The following CUEDC1 variants were observed in gnomAD, a reference collection of about 807,000 sequenced individuals.
CUEDC1 encodes the protein CUE domain-containing protein 1.
CUEDC1 carries 30 observed loss-of-function variants against 43.7 expected under a neutral mutation model. The ratio of observed to expected loss-of-function variants is 0.69; its 90% CI spans 0.51 to 0.93. The LOEUF (loss-of-function observed/expected upper bound fraction) is 0.93. Ranked by LOEUF, CUEDC1 falls within the 40% of genes least tolerant of loss-of-function variation. The pLI is 0.00. For synonymous variants in CUEDC1, 223 were observed against 223.6 expected (o/e 1.00, Z 0.02); for missense variants, 486 against 549.0 (o/e 0.89, Z 1.15).
chr17:57,942,982 C>T (rs1051014611), intron 1 of CUEDC1, among the ~76,000 whole-genome samples: 2 of 152,052 alleles, frequency 1.3e-5, no homozygotes, highest in Non-Finnish European at 1.5e-5. Context: ...GAGCCGAGAT[C>T]GCGCCACTGC....
rs531361795 is a variant in CUEDC1, at chr17:57,909,285, G to A, written c.-315-23406C>T. ...GCTGGGATTACAGGCATGAGCCACC[G>A]CACCTAGCCTAAAATTAAATAAAAT... On this transcript the variant is annotated intron_variant, in intron 1 of 10. Coordinates refer to ENST00000577830, the MANE Select transcript of CUEDC1 (RefSeq NM_001271875.2). Among the ~76,000 whole-genome samples the A allele has an allele frequency of 9.9e-4, 151 of 152,036 alleles. 2 individuals carry two copies. Among genetic ancestry groups the A allele is most frequent in the African/African-American group, 3.4e-3 (141 of 41,472 alleles).
chr17:57,880,387 C>T (rs1015889751), intron 2 of CUEDC1, among the ~76,000 whole-genome samples: 16 of 152,298 alleles, frequency 1.1e-4, no homozygotes, highest in African/African-American at 2.9e-4. Context: ...AAAAGCCACA[C>T]GCTTTTTAGA....
chr17:57,885,492 C>T lies in CUEDC1; in HGVS notation c.73G>A (p.Gly25Arg), dbSNP rs2074277109. 1 of 1,535,388 alleles carries T rather than the reference C, an allele frequency of 6.5e-7. No homozygotes were observed. Among genetic ancestry groups the T allele is most frequent in the Non-Finnish European group, 8.7e-7 (1 of 1,147,436 alleles). The change falls in exon 2 of 11, where the codon GGA (glycine) becomes AGA (arginine). Residue 25 changes from glycine to arginine, a missense_variant. By Grantham distance (125) the Gly-to-Arg change is moderately radical. Coordinates refer to ENST00000577830, the MANE Select transcript of CUEDC1 (RefSeq NM_001271875.2). ...GGTAGARGGG[G>R]GTAAPQELNN... Reference sequence around the variant, plus strand: ...AGCTCCTGGGGGGCGGCCGTGCCTCCCCCGCCCCCGCGTGCCCCGGCGGTG... The same window carrying T: ...AGCTCCTGGGGGGCGGCCGTGCCTCTCCCGCCCCCGCGTGCCCCGGCGGTG...
chr17:57,929,322 G>A (rs111772222), intron 1 of CUEDC1, among the ~76,000 whole-genome samples: 8 of 151,994 alleles, frequency 5.3e-5, no homozygotes, highest in Non-Finnish European at 7.4e-5. Context: ...TTAAACAGCC[G>A]CCCAAGAACA....
chr17:57,931,156 G>C (rs1287459999), intron 1 of CUEDC1, among the ~76,000 whole-genome samples: 5 of 152,066 alleles, frequency 3.3e-5, no homozygotes, highest in Non-Finnish European at 7.4e-5. Context: ...GGAGGTGGTG[G>C]CACACACCTA....
rs73329841 is a variant in CUEDC1 at position 57,876,355 on chromosome 17, C to T, written c.465-2638G>A. ...GCAAGTGCTCCTTCCTTTGCCTGAG[C>T]GCCTCCCTGTCCTCTGCTTCTCCAC... On this transcript the variant is annotated intron_variant, in intron 3 of 10. Transcript: ENST00000577830. Among the ~76,000 whole-genome samples the T allele has an allele frequency of 3.3e-3, 509 of 152,052 alleles. 10 individuals are homozygous for T. Among genetic ancestry groups the T allele is most frequent in the Admixed American group, 0.031 (478 of 15,292 alleles).
intron 1 of CUEDC1, among the ~76,000 whole-genome samples, chr17:57,945,726 A>G (rs771421682): frequency 9.2e-5 from 14 of 152,212 alleles, no homozygotes; most frequent in Non-Finnish European, 1.8e-4. Flanking sequence ...AACAATCATT[A>G]TGTAATATTT....
In CUEDC1 at chr17:57,869,135, T is replaced by C. The variant is rs761592191; in HGVS notation, c.927A>G (p.Lys309=). 21 of 1,613,958 alleles carry C rather than the reference T, an allele frequency of 1.3e-5. No homozygotes were observed. The highest frequency in any genetic ancestry group is 1.7e-4 in the Middle Eastern group (1 of 6,060). The change falls in exon 7 of 11, where the codon AAA becomes AAG. Residue 309 remains lysine, a synonymous_variant. Transcript: ENST00000577830. ...SEDALFRDKL[K]HMGKSTRRKL... Reference sequence around the variant, plus strand: ...AGTGGGACTCACACTTTCCCATGTGTTTCAGCTTGTCCCTGAATAAGGCAT... The same window carrying C: ...AGTGGGACTCACACTTTCCCATGTGCTTCAGCTTGTCCCTGAATAAGGCAT...
At chr17:57,885,105 A>G in intron 2 of CUEDC1, 124 bp downstream of exon 2, 1 of 1,441,988 alleles carries the variant, frequency 6.9e-7, no homozygotes, top group Non-Finnish European at 9.1e-7. Flanking sequence ...GAACCCAGAT[A>G]GCGGAGTAAC....
intron 1 of CUEDC1, among the ~76,000 whole-genome samples, chr17:57,888,264 A>G (rs888549660): frequency 1.3e-5 from 2 of 152,220 alleles, no homozygotes; most frequent in African/African-American, 4.8e-5. Flanking sequence ...TAATCAAACC[A>G]TAAATCCTAT....
chr17:57,889,026 G>A (rs2144976856), intron 1 of CUEDC1, among the ~76,000 whole-genome samples: 1 of 152,284 alleles, frequency 6.6e-6, no homozygotes, highest in Admixed American at 6.5e-5. Flanking sequence ...GTGTTGAGAA[G>A]CTCCAGAAGC....
chr17:57,868,198 T>C lies in CUEDC1; in HGVS notation c.986A>G (p.Lys329Arg). 1 of 1,614,210 alleles carries C rather than the reference T, an allele frequency of 6.2e-7. No homozygotes were observed. The highest frequency in any genetic ancestry group is 8.5e-7 in the Non-Finnish European group (1 of 1,180,028). The change falls in exon 8 of 11, where the codon AAG (lysine) becomes AGG (arginine). Residue 329 changes from lysine to arginine, a missense_variant. Lys to Arg is a conservative substitution (Grantham distance 26). Transcript: ENST00000577830. ...CCTCTTTGACTTCCTCATTTTGGTC[T>C]TCTCTGAGAAGGCTCGGGCAAGTTC... ...LFELARAFSE[K>R]TKMRKSKRKH...
intron 1 of CUEDC1, among the ~76,000 whole-genome samples, chr17:57,904,764 G>A (rs528258756): frequency 5.9e-5 from 9 of 152,270 alleles, no homozygotes; most frequent in African/African-American, 1.7e-4. Flanking sequence ...TCGCCCTACC[G>A]TAGGGGAGTG....
chr17:57,893,492 T>G (rs1803891565), intron 1 of CUEDC1, among the ~76,000 whole-genome samples: 1 of 152,194 alleles, frequency 6.6e-6, no homozygotes, highest in African/African-American at 2.4e-5. Flanking sequence ...ACGCTGAGCC[T>G]CCTGCTCCTG....
At chr17:57,888,903 G>A (rs1156429049) in intron 1 of CUEDC1, among the ~76,000 whole-genome samples, 3 of 152,222 alleles carry the variant, frequency 2.0e-5, no homozygotes, top group East Asian at 1.9e-4. Flanking sequence ...GCAATCCCTC[G>A]GAGAAAGATG....
chr17:57,867,525 A>C, intron 8 of CUEDC1, 110 bp from the exon 9 acceptor site: 1 of 975,794 alleles, frequency 1.0e-6, no homozygotes, highest in Non-Finnish European at 1.6e-6. Context: ...GGTACCTGAC[A>C]CACCCACCTG....
At chr17:57,884,890 T>TA (rs1166904935) in intron 2 of CUEDC1, among the ~76,000 whole-genome samples, 2 of 152,176 alleles carry the variant, frequency 1.3e-5, no homozygotes, top group East Asian at 3.8e-4. Context: ...TGGAGTTCAG[T>TA]ATGTTGGGGT....
At chr17:57,924,297 G>T (rs2074725266) in intron 1 of CUEDC1, among the ~76,000 whole-genome samples, 1 of 152,106 alleles carries the variant, frequency 6.6e-6, no homozygotes, top group Non-Finnish European at 1.5e-5. Context: ...GTAGAGACAG[G>T]GTTTCACCAT....
intron 1 of CUEDC1, among the ~76,000 whole-genome samples, chr17:57,928,604 G>A (rs866690490): frequency 6.6e-6 from 1 of 150,560 alleles, no homozygotes; most frequent in Non-Finnish European, 1.5e-5. Flanking sequence ...CCGATGCCTT[G>A]TGAAGTACAT....
Sources: gnomAD v4.1 joint callset for allele counts (sites outside exome capture counted in the v4.1 genomes callset) on GRCh38, gnomAD v4.1.1 for gene constraint, MANE v1.5 for transcripts, NCBI Gene and HGNC (gene_info 2026-07-23, HGNC 2026-07-21) for gene names.